Variants in CCDC81 observed in about 807,000 individuals in gnomAD.
CCDC81 encodes the protein coiled-coil domain-containing protein 81.
In CCDC81, 79 loss-of-function variants were observed where a neutral mutation model predicts 83.7. That is an observed-to-expected ratio of 0.94 (90% CI 0.79 to 1.14). CCDC81 has a LOEUF of 1.14. Ranked by LOEUF, CCDC81 falls within the 50% of genes most tolerant of loss-of-function variation. The probability of loss-of-function intolerance (pLI) is 0.00; values close to 1 mark genes in which losing one functional copy is unlikely to be tolerated. For synonymous variants in CCDC81, 252 were observed against 278.1 expected (o/e 0.91, Z 0.93); for missense variants, 791 against 778.1 (o/e 1.02, Z -0.20).
At chr11:86,389,846 C>CT (rs1486154394) in intron 3 of CCDC81, among the ~76,000 whole-genome samples, 4 of 152,182 alleles carry the variant, frequency 2.6e-5, no homozygotes, top group African/African-American at 7.2e-5. Context: ...TGGCTCATGC[C>CT]TGTAATCCCA....
chr11:86,390,889 C>A (rs1485174954), intron 3 of CCDC81, among the ~76,000 whole-genome samples: 1 of 151,886 alleles, frequency 6.6e-6, no homozygotes, highest in Non-Finnish European at 1.5e-5. Context: ...AGAGGTGATA[C>A]CAGAGCTTAG....
Position 86,397,729 on chromosome 11 carries a change from A to C in CCDC81, c.744A>C (p.Glu248Asp). The change falls in exon 6 of 15, where the codon GAA (glutamate) becomes GAC (aspartate). Residue 248 changes from glutamate to aspartate, a missense_variant. Coordinates refer to ENST00000445632, the MANE Select transcript of CCDC81 (RefSeq NM_001156474.2). ...AGTTAAAAGACCAGTCAGACAAAGAAGAAGGCACCAGAGGTAGGCCAATGA... is the reference window on the plus strand; with the variant it reads ...AGTTAAAAGACCAGTCAGACAAAGACGAAGGCACCAGAGGTAGGCCAATGA... ...KCKLKDQSDK[E>D]EGTRDISSPK... is the part of the protein sequence containing the mutation. The C allele has an allele frequency of 1.2e-6, 2 of 1,613,454 alleles. No individual in the cohort carries two copies. The highest frequency in any genetic ancestry group is 1.7e-6 in the Non-Finnish European group (2 of 1,179,688).
chr11:86,402,786 G>A (rs1367694167), intron 7 of CCDC81, among the ~76,000 whole-genome samples: 2 of 151,870 alleles, frequency 1.3e-5, no homozygotes, highest in African/African-American at 4.8e-5. Flanking sequence ...GTGAAATGAT[G>A]GTATTTCATT....
At chr11:86,420,533 ACAT>A (rs2138547029) in intron 14 of CCDC81, among the ~76,000 whole-genome samples, 1 of 152,304 alleles carries the variant, frequency 6.6e-6, no homozygotes, top group East Asian at 1.9e-4. Context: ...TTAAATATTC[ACAT>A]CACTACTGTT....
intron 7 of CCDC81, among the ~76,000 whole-genome samples, chr11:86,405,785 CTTT>C (rs146946869): frequency 2.2e-4 from 28 of 128,586 alleles, no homozygotes; most frequent in Middle Eastern, 8.1e-3. Context: ...CTTCTTTTTT[CTTT>C]TTTTTTTTTT....
At chr11:86,410,847 C>T (rs1253303318) in intron 10 of CCDC81, among the ~76,000 whole-genome samples, 2 of 152,128 alleles carry the variant, frequency 1.3e-5, no homozygotes, top group Admixed American at 6.5e-5. Context: ...TCCTGACTTC[C>T]GATCATTTGC....
chr11:86,399,842 G>T (rs2138519658), intron 6 of CCDC81, among the ~76,000 whole-genome samples: 1 of 152,050 alleles, frequency 6.6e-6, no homozygotes, highest in Non-Finnish European at 1.5e-5. Flanking sequence ...ACAACATTTG[G>T]CTGGGCATGG....
intron 1 of CCDC81, among the ~76,000 whole-genome samples, chr11:86,376,252 A>C (rs1196625981): frequency 6.6e-6 from 1 of 152,204 alleles, no homozygotes; most frequent in Non-Finnish European, 1.5e-5. Context: ...GTACAGTAAG[A>C]ACTTTTTTTA....
intron 10 of CCDC81, among the ~76,000 whole-genome samples, chr11:86,410,644 T>C (rs1352478691): frequency 6.6e-6 from 1 of 152,240 alleles, no homozygotes; most frequent in Non-Finnish European, 1.5e-5. Context: ...CTCCAGATTA[T>C]ATTTATTACT....
chr11:86,387,301 C>T (rs1421784538), intron 2 of CCDC81, among the ~76,000 whole-genome samples: 1 of 152,210 alleles, frequency 6.6e-6, no homozygotes. Flanking sequence ...GATCTGATGT[C>T]TGCAAATCAT....
At chr11:86,399,363 C>T (rs1948452456) in intron 6 of CCDC81, among the ~76,000 whole-genome samples, 1 of 152,068 alleles carries the variant, frequency 6.6e-6, no homozygotes. Flanking sequence ...GCTCTGTCAC[C>T]CAGGGTGGAG....
chr11:86,381,174 T>C (rs1186813950), intron 1 of CCDC81, among the ~76,000 whole-genome samples: 3 of 152,204 alleles, frequency 2.0e-5, no homozygotes, highest in Admixed American at 1.3e-4. Flanking sequence ...AGATTTTTCC[T>C]TTCTCCTTAG....
chr11:86,393,026 ACT>A (rs1424285323), intron 4 of CCDC81, among the ~76,000 whole-genome samples: 1 of 152,058 alleles, frequency 6.6e-6, no homozygotes, highest in African/African-American at 2.4e-5. Flanking sequence ...AGTAACGGAA[ACT>A]CTTAGAATTC....
intron 1 of CCDC81, among the ~76,000 whole-genome samples, chr11:86,382,236 G>A (rs891866943): frequency 2.0e-5 from 3 of 152,144 alleles, no homozygotes; most frequent in African/African-American, 7.2e-5. Context: ...GCCATGTGGG[G>A]AATGAATAGG....
chr11:86,389,815 T>C (rs1210551687), intron 3 of CCDC81, among the ~76,000 whole-genome samples: 1 of 152,196 alleles, frequency 6.6e-6, no homozygotes, highest in Non-Finnish European at 1.5e-5. Flanking sequence ...AATTAATATA[T>C]AAGAAATGGG....
intron 7 of CCDC81, among the ~76,000 whole-genome samples, chr11:86,401,992 G>A (rs533729473): frequency 2.0e-5 from 3 of 151,908 alleles, no homozygotes; most frequent in East Asian, 3.9e-4. Flanking sequence ...AAAATTACCC[G>A]GGTGTGGTGG....
Position 86,392,621 on chromosome 11 carries a change from G to A in CCDC81, c.379G>A (p.Val127Met). 6.4e-7 allele frequency: 1 copy of A among 1,551,694 alleles called. No individual in the cohort carries two copies. The highest frequency in any genetic ancestry group is 8.7e-7 in the Non-Finnish European group (1 of 1,146,980). ...PFNRDVVEGC[V>M]KETLLFLSRS... ...TAACAGAGATGTAGTGGAAGGATGTGTGAAGGAGACGTTGCTTTTTTTATC... is the reference window on the plus strand; with the variant it reads ...TAACAGAGATGTAGTGGAAGGATGTATGAAGGAGACGTTGCTTTTTTTATC... The change falls in exon 4 of 15, where the codon GTG (valine) becomes ATG (methionine). Residue 127 changes from valine (V) to methionine (M), a missense_variant. Coordinates refer to ENST00000445632, the MANE Select transcript of CCDC81 (RefSeq NM_001156474.2).
rs767370312 is a variant in CCDC81 at position 86,400,747 on chromosome 11, T to C, written c.827T>C (p.Leu276Ser). Reference protein sequence around the residue: ...LFPAKVTNVSLLEKFERSESG... With the variant: ...LFPAKVTNVSSLEKFERSESG... Reference sequence around the variant, plus strand: ...CCTGCCAAAGTGACAAATGTCAGCTTGCTGGAAAAGTTTGAACGAAGTGAG... The same window carrying C: ...CCTGCCAAAGTGACAAATGTCAGCTCGCTGGAAAAGTTTGAACGAAGTGAG... Residue 276 changes from leucine to serine, a missense_variant, in exon 7 of 15, where the codon TTG (leucine) becomes TCG (serine). Transcript: ENST00000445632. 1.2e-5 allele frequency: 20 copies of C among 1,613,106 alleles called. No homozygotes were observed. The highest frequency in any genetic ancestry group is 1.7e-5 in the Admixed American group (1 of 59,998).
chr11:86,408,280 C>A lies in CCDC81; in HGVS notation c.1113+10C>A. ...TCTCTTCAGACACCAGGTAGTCCAACACCTCGATTAGTCTTTAATATGGGG... is the reference window on the plus strand; with the variant it reads ...TCTCTTCAGACACCAGGTAGTCCAAAACCTCGATTAGTCTTTAATATGGGG... On this transcript the variant is annotated intron_variant, in intron 9 of 14. Transcript: ENST00000445632. 6.2e-7 allele frequency: 1 copy of A among 1,603,750 alleles called. No homozygotes were observed. The highest frequency in any genetic ancestry group is 8.5e-7 in the Non-Finnish European group (1 of 1,176,164).
Sources: allele counts gnomAD v4.1 joint callset (sites outside exome capture counted in the v4.1 genomes callset), GRCh38; gene constraint gnomAD v4.1.1; transcripts MANE v1.5; gene names NCBI Gene and HGNC (gene_info 2026-07-23, HGNC 2026-07-21).